Variants in CAPN10 observed in about 807,000 individuals in gnomAD.
CAPN10 encodes calpain 10, also known as calpain-10.
In CAPN10, 71 loss-of-function variants were observed where a neutral mutation model predicts 78.4. The ratio of observed to expected loss-of-function variants is 0.91; its 90% CI spans 0.75 to 1.10. CAPN10 has a LOEUF of 1.10. Ranked by LOEUF, CAPN10 falls within the 50% of genes least tolerant of loss-of-function variation. The probability of loss-of-function intolerance (pLI) is 0.00; values close to 1 mark genes in which losing one functional copy is unlikely to be tolerated. For synonymous variants in CAPN10, 437 were observed against 407.2 expected (o/e 1.07, Z -0.88); for missense variants, 849 against 924.6 (o/e 0.92, Z 1.06).
chr2:240,596,396 C>T lies in CAPN10; in HGVS notation c.1356C>T (p.Asp452=), dbSNP rs2093136969. The T allele has an allele frequency of 1.9e-6, 3 of 1,613,490 alleles. No individual in the cohort carries two copies. In the East Asian group the frequency reaches 6.7e-5, roughly 36 times the overall value. ...CTGGCACCGCGTGCCATGCATACGA[C>T]CGGGAGGTCCACCTGCGTTGTGAGC... ...PVAGTACHAY[D]REVHLRCELS... The change falls in exon 8 of 12, where the codon GAC becomes GAT. Residue 452 remains aspartate, a synonymous_variant. Coordinates refer to ENST00000391984, the MANE Select transcript of CAPN10 (RefSeq NM_023083.4).
intron 9 of CAPN10, 65 bp downstream of exon 9, chr2:240,597,007 C>T (rs2093141361): frequency 6.3e-7 from 1 of 1,590,418 alleles, no homozygotes. Context: ...TGCATCTTGG[C>T]CTCCATTGTC....
chr2:240,594,420 C>T, intron 5 of CAPN10, 123 bp from the exon 6 acceptor site: 2 of 951,524 alleles, frequency 2.1e-6, no homozygotes, highest in East Asian at 2.4e-5. Context: ...AGAGCTGGGG[C>T]ACGGGGTTGC....
intron 3 of CAPN10, chr2:240,591,669 C>T (rs1575447334): frequency 7.4e-6 from 4 of 538,972 alleles, no homozygotes; most frequent in Middle Eastern, 4.8e-4. Context: ...CGCCTCCTGC[C>T]CTGCTCCTGT....
At chr2:240,590,218 T>G (rs1260484517) in intron 2 of CAPN10, 3 of 152,230 alleles carry the variant, frequency 2.0e-5, no homozygotes, top group African/African-American at 7.2e-5. Flanking sequence ...CAGCCTGCAC[T>G]CCCCCGATGC....
intron 10 of CAPN10, 95 bp from the exon 11 acceptor site, chr2:240,598,257 C>G: frequency 6.7e-7 from 1 of 1,495,126 alleles, no homozygotes; most frequent in East Asian, 2.3e-5. Flanking sequence ...TGGTCTGAGC[C>G]TGGAAGGAGA....
rs921733409 is a variant in CAPN10, at chr2:240,596,822, C to T, written c.1623C>T (p.Asn541=). Residue 541 remains asparagine (N), a synonymous_variant, in exon 9 of 12, where the codon AAC becomes AAT. Transcript: ENST00000391984. ...GGAACTTTGCCTCATACCCCACCAACCCCTGCTTCCCCTTCTCGGTCCCCG... is the reference window on the plus strand; with the variant it reads ...GGAACTTTGCCTCATACCCCACCAATCCCTGCTTCCCCTTCTCGGTCCCCG... ...GSRNFASYPT[N]PCFPFSVPEG... The T allele has an allele frequency of 2.5e-6, 4 of 1,613,324 alleles. No individual in the cohort carries two copies. The African/African-American group carries it at 4.0e-5, about 16-fold the overall frequency.
At chr2:240,588,618 G>A (rs1417246833) in intron 1 of CAPN10, among the ~76,000 whole-genome samples, 1 of 152,156 alleles carries the variant, frequency 6.6e-6, no homozygotes, top group African/African-American at 2.4e-5. Flanking sequence ...AGGTGACAGC[G>A]ACATTGATCG....
intron 7 of CAPN10, 190 bp from the exon 8 acceptor site, chr2:240,596,129 A>G: frequency 6.6e-7 from 1 of 1,517,112 alleles, no homozygotes; most frequent in Non-Finnish European, 8.8e-7. Flanking sequence ...TACTGGCGCC[A>G]GGGCCAAGTG....
At chr2:240,588,938 G>A (rs1278641776) in intron 1 of CAPN10, among the ~76,000 whole-genome samples, 1 of 151,930 alleles carries the variant, frequency 6.6e-6, no homozygotes, top group Non-Finnish European at 1.5e-5. Flanking sequence ...TTGAGTAGAC[G>A]GGGAGAAAGG....
chr2:240,598,202 C>G, intron 10 of CAPN10, 115 bp downstream of exon 10: 1 of 1,132,882 alleles, frequency 8.8e-7, no homozygotes, highest in Non-Finnish European at 1.2e-6. Context: ...CCTATCTGTC[C>G]TGGCAGACCA....
chr2:240,598,112 G>A (rs1247213564), intron 10 of CAPN10, 25 bp downstream of exon 10: 2 of 1,587,206 alleles, frequency 1.3e-6, no homozygotes, highest in Non-Finnish European at 1.7e-6. Flanking sequence ...CTTGGGGGCG[G>A]CCAGCTGGAG....
At chr2:240,589,575 G>A (rs764779084) in intron 2 of CAPN10, 101 bp downstream of exon 2, 31 of 1,410,556 alleles carry the variant, frequency 2.2e-5, no homozygotes, top group Middle Eastern at 2.6e-4. Flanking sequence ...GAGCTGTGCC[G>A]CAGCCGGATC....
chr2:240,593,698 G>C (rs2093117594), intron 4 of CAPN10, among the ~76,000 whole-genome samples: 1 of 152,190 alleles, frequency 6.6e-6, no homozygotes, highest in Non-Finnish European at 1.5e-5. Flanking sequence ...GGCCCCGTGT[G>C]CTTGCTCCTG....
intron 4 of CAPN10, chr2:240,592,404 G>C: frequency 1.4e-6 from 1 of 696,510 alleles, no homozygotes; most frequent in South Asian, 1.5e-5. Flanking sequence ...GTGGCACCGA[G>C]TCAAAGCCCA....
rs374903158 is a variant in CAPN10, at chr2:240,597,941, G to C, written c.1797G>C (p.Pro599=). 3 of 1,612,578 alleles carry C rather than the reference G, an allele frequency of 1.9e-6. No individual in the cohort carries two copies. The highest frequency in any genetic ancestry group is 1.3e-5 in the African/African-American group (1 of 75,034). Residue 599 remains proline, a synonymous_variant, in exon 10 of 12, where the codon CCG becomes CCC. Transcript: ENST00000391984. The part of the protein sequence containing the change: ...QDAPPLLLQE[P]LLSCVPHRYA... ...CACCCCCACTGCTGCTGCAGGAGCC[G>C]CTGCTGAGCTGCGTGCCACATCGCT... is the stretch of plus-strand genomic sequence containing the variant.
rs149059277 is a variant in CAPN10 at position 240,588,546 on chromosome 2, C to T, written c.142-797C>T. On this transcript the variant is annotated intron_variant, in intron 1 of 11. Coordinates refer to ENST00000391984, the MANE Select transcript of CAPN10 (RefSeq NM_023083.4). The stretch of plus-strand genomic sequence containing the variant: ...GATGGCTGTTCTGCTGTTGTGAATG[C>T]TGCTGAGTAGTTGGGGAAGAGAGTT... 2.4e-3 allele frequency among the ~76,000 whole-genome samples: 369 copies of T among 152,084 alleles called. 4 individuals carry two copies. The highest frequency in any genetic ancestry group is 8.1e-3 in the African/African-American group (337 of 41,482).
chr2:240,596,076 G>A (rs2093134643), intron 7 of CAPN10: 1 of 1,532,140 alleles, frequency 6.5e-7, no homozygotes, highest in African/African-American at 1.4e-5. Context: ...GCCTTTGTGG[G>A]CCCAGCTACA....
chr2:240,593,450 CT>C (rs945577497), intron 4 of CAPN10, among the ~76,000 whole-genome samples: 1 of 152,252 alleles, frequency 6.6e-6, no homozygotes, highest in Non-Finnish European at 1.5e-5. Context: ...TGTTGCCCCC[CT>C]GGGCCTCCAT....
rs779874859 is a variant in CAPN10 at position 240,596,847 on chromosome 2, G to A, written c.1648G>A (p.Glu550Lys). The A allele has an allele frequency of 1.9e-5, 31 of 1,613,372 alleles. No homozygotes were observed. In the Admixed American group the frequency reaches 2.8e-4, roughly 15 times the overall value. Residue 550 changes from glutamate (E) to lysine (K), a missense_variant, in exon 9 of 12, where the codon GAG (glutamate) becomes AAG (lysine). Glu to Lys is a moderately conservative substitution (Grantham distance 56). Transcript: ENST00000391984. ...TNPCFPFSVP[E>K]GPGPRCVRIT... ...CCCCTGCTTCCCCTTCTCGGTCCCCGAGGGCCCTGGCCCCCGCTGCGTCCG... is the reference window on the plus strand; with the variant it reads ...CCCCTGCTTCCCCTTCTCGGTCCCCAAGGGCCCTGGCCCCCGCTGCGTCCG...
Sources: gnomAD v4.1 joint callset for allele counts (sites outside exome capture counted in the v4.1 genomes callset) on GRCh38, gnomAD v4.1.1 for gene constraint, MANE v1.5 for transcripts, NCBI Gene and HGNC (gene_info 2026-07-23, HGNC 2026-07-21) for gene names.